SLC30A3: variants seen among roughly 807,000 people sequenced by gnomAD.
The protein encoded by SLC30A3 is probable proton-coupled zinc antiporter SLC30A3.
Under a neutral mutation model 35.6 loss-of-function variants are expected in SLC30A3, and 20 were observed. The ratio of observed to expected loss-of-function variants is 0.56; its 90% CI spans 0.39 to 0.82. The LOEUF is 0.82. SLC30A3 is among the 40% of genes least tolerant of loss of function. The pLI is 0.00. For synonymous variants in SLC30A3, 217 were observed against 224.7 expected, an observed-to-expected ratio of 0.97 and a Z score of 0.31; for missense variants, 401 against 530.6, an observed-to-expected ratio of 0.76 and a Z score of 2.40.
Position 27,262,688 on chromosome 2 carries a change from C to A in SLC30A3, c.95+124G>T. 1.1e-6 allele frequency: 1 copy of A among 938,246 alleles called. No individual in the cohort carries two copies. Among genetic ancestry groups the A allele is most frequent in the Non-Finnish European group, 1.5e-6 (1 of 663,034 alleles). The allele number at this position is 938,246 out of a possible 1,614,324, so 58.1% of individuals were successfully genotyped here. A position where few individuals can be genotyped will look rare whatever the true frequency, so the allele number is the denominator to read the frequency against. ...CCAGAGGGGATGAAGCGGGGTGCAG[C>A]GGAGCGAGGGACCCGCGGTGCGCTG... is the stretch of plus-strand genomic sequence containing the variant. On this transcript the variant is annotated intron_variant, in intron 1 of 7. Coordinates refer to ENST00000233535, the MANE Select transcript of SLC30A3 (RefSeq NM_003459.5). The surrounding 1 kb of genome is among the most constrained non-coding windows in gnomAD (Gnocchi z 7.5).
At chr2:27,270,309 A>T (rs1677677401) in intron 1 of SLC30A3, among the ~76,000 whole-genome samples, 1 of 152,148 alleles carries the variant, frequency 6.6e-6, no homozygotes, top group African/African-American at 2.4e-5. Flanking sequence ...GTAATTTTGG[A>T]GTTCTGGCTG....
At position 27,254,532 on chromosome 2, in the gene SLC30A3, G is replaced by A. The variant is rs924473021; in HGVS notation, c.*780C>T. The A allele has an allele frequency of 6.5e-6, 1 of 153,280 alleles. No homozygotes were observed. Among genetic ancestry groups the A allele is most frequent in the African/African-American group, 2.4e-5 (1 of 41,416 alleles). The allele number at this position is 153,280 out of a possible 1,614,324, so 9.5% of individuals were successfully genotyped here. Reference sequence around the variant, plus strand: ...TCTGTTGTTCTCAAGTGACCTATTTGACTTCCCCCTCCTGAGGAGTCAGCA... The same window carrying A: ...TCTGTTGTTCTCAAGTGACCTATTTAACTTCCCCCTCCTGAGGAGTCAGCA... On this transcript the variant is annotated 3_prime_UTR_variant, in exon 8 of 8. Transcript: ENST00000233535.
intron 1 of SLC30A3, among the ~76,000 whole-genome samples, chr2:27,259,644 C>T (rs1270502415): frequency 2.0e-5 from 3 of 152,188 alleles, no homozygotes; most frequent in South Asian, 2.1e-4. Flanking sequence ...TGAGCCACCG[C>T]ACCCGGCTCT....
In SLC30A3 at chr2:27,271,787, C is replaced by T. The variant is rs764120843; in HGVS notation, c.-159+3390G>A. On this transcript the variant is annotated intron_variant, in intron 1 of 5. Transcript: ENST00000424577. This position sits in a 1 kb window ranked among gnomAD's most constrained non-coding sequence, Gnocchi z 4.3. ...GGCCGACTGGGCCGTGCTACTCCCA[C>T]CTCTGCAGCTTCCTGGCTGAAGTGA... is the stretch of plus-strand genomic sequence containing the variant. Among the ~76,000 whole-genome samples the T allele has an allele frequency of 7.2e-5, 11 of 152,246 alleles. No homozygotes were observed. Among genetic ancestry groups the T allele is most frequent in the Non-Finnish European group, 1.5e-4 (10 of 68,044 alleles).
In SLC30A3 at chr2:27,255,033, C is replaced by T. The variant is rs1030388441; in HGVS notation, c.*279G>A. 3.7e-6 allele frequency: 5 copies of T among 1,357,372 alleles called. No individual in the cohort carries two copies. Among genetic ancestry groups the T allele is most frequent in the Non-Finnish European group, 3.9e-6 (4 of 1,038,660 alleles). The allele number at this position is 1,357,372 out of a possible 1,614,324, so 84.1% of individuals were successfully genotyped here. ...CATGAACCATGGGGAGATGGCACCACAGGCCTTCAACACACCCTGCCACAC... is the reference window on the plus strand; with the variant it reads ...CATGAACCATGGGGAGATGGCACCATAGGCCTTCAACACACCCTGCCACAC... On this transcript the variant is annotated 3_prime_UTR_variant, in exon 8 of 8. Transcript: ENST00000233535. The surrounding 1 kb of genome is among the most constrained non-coding windows in gnomAD (Gnocchi z 5.2).
upstream of SLC30A3, among the ~76,000 whole-genome samples, chr2:27,264,653 G>A (rs1236993632): frequency 1.3e-5 from 2 of 152,286 alleles, no homozygotes; most frequent in East Asian, 3.9e-4. This position sits in a 1 kb window ranked among gnomAD's most constrained non-coding sequence, Gnocchi z 6.1. Flanking sequence ...CCAGCCCCCA[G>A]CCTCCCCAGT....
rs1054412167 is a variant in SLC30A3, at chr2:27,274,264, C to T, written c.-159+913G>A. 4.6e-5 allele frequency among the ~76,000 whole-genome samples: 7 copies of T among 152,122 alleles called. No individual in the cohort carries two copies. In the South Asian group the frequency reaches 6.2e-4, roughly 14 times the overall value. On this transcript the variant is annotated intron_variant, in intron 1 of 5. Coordinates refer to the SLC30A3 transcript ENST00000424577. ...CACTTGAACCCGGAAGGCAGAGGTT[C>T]CAGTGAGCAGACATTGTGCCACTGC...
upstream of SLC30A3, chr2:27,264,063 T>C: frequency 2.3e-6 from 3 of 1,288,162 alleles, no homozygotes; most frequent in Non-Finnish European, 3.0e-6. The surrounding 1 kb of genome is among the most constrained non-coding windows in gnomAD (Gnocchi z 6.1). Flanking sequence ...CAATGTTCTC[T>C]CCCCTCGCAC....
chr2:27,273,749 G>A (rs955106358), intron 1 of SLC30A3, among the ~76,000 whole-genome samples: 4 of 150,988 alleles, frequency 2.6e-5, no homozygotes, highest in Non-Finnish European at 4.4e-5. Context: ...TCCTTAGTTC[G>A]TTTGCTTAGA....
chr2:27,270,159 T>C (rs993290443), intron 1 of SLC30A3, among the ~76,000 whole-genome samples: 2 of 152,182 alleles, frequency 1.3e-5, no homozygotes, highest in African/African-American at 4.8e-5. Context: ...ATTAAGAGGG[T>C]GAGGTATTAA....
upstream of SLC30A3, chr2:27,263,915 G>T: frequency 3.4e-6 from 2 of 586,920 alleles, no homozygotes; most frequent in Non-Finnish European, 5.7e-6. Context: ...GTCAGCTAGT[G>T]ATTCCCATCC....
At chr2:27,264,707 G>A (rs1034387832), upstream of SLC30A3, among the ~76,000 whole-genome samples, 2 of 152,218 alleles carry the variant, frequency 1.3e-5, no homozygotes, top group Non-Finnish European at 1.5e-5. This position sits in a 1 kb window ranked among gnomAD's most constrained non-coding sequence, Gnocchi z 6.1. Context: ...CGAGGGGGTC[G>A]TTCTCCCTCT....
chr2:27,271,101 G>A lies in SLC30A3; in HGVS notation c.-159+4076C>T, dbSNP rs1187838583. Among the ~76,000 whole-genome samples, 2 of 152,086 alleles carry A rather than the reference G, an allele frequency of 1.3e-5. No homozygotes were observed. Among genetic ancestry groups the A allele is most frequent in the African/African-American group, 4.8e-5 (2 of 41,400 alleles). Reference sequence around the variant, plus strand: ...TCTTCAATTATAAAATGAAGGCGTTGGATTCAAGTTAAATCTCTGAGGTCC... The same window carrying A: ...TCTTCAATTATAAAATGAAGGCGTTAGATTCAAGTTAAATCTCTGAGGTCC... On this transcript the variant is annotated intron_variant, in intron 1 of 5. Coordinates refer to the SLC30A3 transcript ENST00000424577. The surrounding 1 kb of genome is among the most constrained non-coding windows in gnomAD (Gnocchi z 4.3).
upstream of SLC30A3, chr2:27,263,098 C>T: frequency 7.4e-7 from 1 of 1,347,684 alleles, no homozygotes; most frequent in South Asian, 1.8e-5. Context: ...GAGCCCCGCC[C>T]CGCGTGGGGC....
chr2:27,262,402 T>C lies in SLC30A3; in HGVS notation c.95+410A>G, dbSNP rs1233835734. On this transcript the variant is annotated intron_variant, in intron 1 of 7. Transcript: ENST00000233535. This position sits in a 1 kb window ranked among gnomAD's most constrained non-coding sequence, Gnocchi z 7.5. Reference sequence around the variant, plus strand: ...CGCGCGGAGGGGAGCCCCCGGGGCCTACAGAGGGAGCTCTGAAGCCTGGGC... The same window carrying C: ...CGCGCGGAGGGGAGCCCCCGGGGCCCACAGAGGGAGCTCTGAAGCCTGGGC... Among the ~76,000 whole-genome samples, 1 of 151,356 alleles carries C rather than the reference T, an allele frequency of 6.6e-6. No homozygotes were observed. The highest frequency in any genetic ancestry group is 2.4e-5 in the African/African-American group (1 of 41,204).
At position 27,255,122 on chromosome 2, in the gene SLC30A3, C is replaced by T. The variant is rs1333536969; in HGVS notation, c.*190G>A. Reference sequence around the variant, plus strand: ...TATTCCCCTGACTCCCACCCCACTCCCCGCCACACTTTGGTCTTGCCCACT... The same window carrying T: ...TATTCCCCTGACTCCCACCCCACTCTCCGCCACACTTTGGTCTTGCCCACT... On this transcript the variant is annotated 3_prime_UTR_variant, in exon 8 of 8. Transcript: ENST00000233535. This position sits in a 1 kb window ranked among gnomAD's most constrained non-coding sequence, Gnocchi z 5.2. The T allele has an allele frequency of 6.5e-7, 1 of 1,541,668 alleles. No individual in the cohort carries two copies. Among genetic ancestry groups the T allele is most frequent in the East Asian group, 2.4e-5 (1 of 41,616 alleles).
chr2:27,259,491 CAA>C (rs566907646), intron 1 of SLC30A3, among the ~76,000 whole-genome samples: 12 of 124,370 alleles, frequency 9.6e-5, no homozygotes, highest in East Asian at 2.4e-4. Flanking sequence ...GAGACTGTCT[CAA>C]AAAAAAAAAA....
chr2:27,265,205 C>T (rs1434839421), upstream of SLC30A3, among the ~76,000 whole-genome samples: 1 of 152,220 alleles, frequency 6.6e-6, no homozygotes, highest in Non-Finnish European at 1.5e-5. The surrounding 1 kb of genome is among the most constrained non-coding windows in gnomAD (Gnocchi z 5.9). Context: ...CAGGAGGGGG[C>T]GCAGACGCCC....
rs528986662 is a variant in SLC30A3 at position 27,255,239 on chromosome 2, G to T, written c.*73C>A. The T allele has an allele frequency of 1.8e-5, 29 of 1,608,946 alleles. No individual in the cohort carries two copies. The highest frequency in any genetic ancestry group is 2.3e-5 in the Non-Finnish European group (27 of 1,177,518). ...GGACCTGGCTCGGTCCCGTCTCTGT[G>T]ATCAGGGCAGCAGATGCTGAGAGTC... On this transcript the variant is annotated 3_prime_UTR_variant, in exon 8 of 8. Coordinates refer to ENST00000233535, the MANE Select transcript of SLC30A3 (RefSeq NM_003459.5). The surrounding 1 kb of genome is among the most constrained non-coding windows in gnomAD (Gnocchi z 5.2).
Sources: allele counts gnomAD v4.1 joint callset (sites outside exome capture counted in the v4.1 genomes callset), GRCh38; gene constraint gnomAD v4.1.1; non-coding constraint Gnocchi (gnomAD v3.1); transcripts MANE v1.5; gene names NCBI Gene and HGNC (gene_info 2026-07-23, HGNC 2026-07-21).